Variants in KCMF1 observed in about 807,000 individuals in gnomAD.
KCMF1 encodes the protein E3 ubiquitin-protein ligase KCMF1.
Under a neutral mutation model 41.1 loss-of-function variants are expected in KCMF1, and 3 were observed. The observed-to-expected ratio is 0.07, with a 90% CI of 0.03 to 0.19. The LOEUF (loss-of-function observed/expected upper bound fraction) is 0.19, where lower values mean the gene tolerates loss of function less well. KCMF1 is among the 10% of genes least tolerant of loss of function. KCMF1 has a pLI of 1.00. For missense variants in KCMF1, 286 were observed against 488.9 expected (o/e 0.58, Z 3.91); for synonymous variants, 142 against 164.5 (o/e 0.86, Z 1.04).
Position 85,056,534 on chromosome 2 carries a change from C to T in KCMF1, c.*3125C>T, listed in dbSNP as rs1242925655. On this transcript the variant is annotated 3_prime_UTR_variant, in exon 7 of 7. Coordinates refer to ENST00000409785, the MANE Select transcript of KCMF1 (RefSeq NM_020122.5). ...TTTACTCCATGGATGTTGGGGTAAGCACATATATCAATAGTTCATAGCTCT... is the reference window on the plus strand; with the variant it reads ...TTTACTCCATGGATGTTGGGGTAAGTACATATATCAATAGTTCATAGCTCT... 1 of 152,106 alleles carries T rather than the reference C, an allele frequency of 6.6e-6. No individual in the cohort carries two copies. Among genetic ancestry groups the T allele is most frequent in the Non-Finnish European group, 1.5e-5 (1 of 68,024 alleles). 9.4% of individuals were successfully genotyped at this position (152,106 alleles called of 1,614,324 possible).
At chr2:84,993,900 ATTTTTTGTTTTGTTTTGTTT>A (rs1474002004) in intron 1 of KCMF1, among the ~76,000 whole-genome samples, 11 of 128,570 alleles carry the variant, frequency 8.6e-5, no homozygotes, top group South Asian at 2.7e-4. Context: ...GAGTTTGAAC[ATTTTTTGTTTTGTTTTGTTT>A]TGTTTTGTTT....
intron 1 of KCMF1, among the ~76,000 whole-genome samples, chr2:85,013,383 G>C (rs975275699): frequency 1.3e-5 from 2 of 152,100 alleles, no homozygotes; most frequent in South Asian, 4.1e-4. Flanking sequence ...GACATTTCTA[G>C]TTTAGATAAC....
chr2:85,042,813 A>G (rs1675571755), intron 3 of KCMF1, among the ~76,000 whole-genome samples: 1 of 152,038 alleles, frequency 6.6e-6, no homozygotes, highest in Non-Finnish European at 1.5e-5. Context: ...AATTCTGTTA[A>G]CTATAGAAAC....
intron 1 of KCMF1, among the ~76,000 whole-genome samples, chr2:85,008,442 CAT>C (rs1199017373): frequency 2.1e-5 from 2 of 96,518 alleles, no homozygotes; most frequent in Admixed American, 1.1e-4. Context: ...ATATATACAT[CAT>C]ATATCTGAGA....
chr2:85,034,659 C>A (rs1277891291), intron 2 of KCMF1, among the ~76,000 whole-genome samples: 2 of 152,176 alleles, frequency 1.3e-5, no homozygotes, highest in Admixed American at 1.3e-4. Flanking sequence ...ATTTTAGGCA[C>A]ACTTTCTTTT....
Position 85,046,193 on chromosome 2 carries a change from C to G in KCMF1, c.516C>G (p.His172Gln). The change falls in exon 5 of 7, where the codon CAC becomes CAG. Residue 172 changes from histidine to glutamine, a missense_variant. His to Gln is a conservative substitution (Grantham distance 24). Around this residue, in one of 2 missense-constraint regions of KCMF1, gnomAD observed 191 missense variants for 279.3 expected, o/e 0.68. Transcript: ENST00000409785. ...GGPRARRSNM[H>Q]FTSSSTGGLS... ...CTCGTGCTCGTAGATCAAACATGCA[C>G]TTTACTAGCAGTTCTACTGGTGGAC... 6.2e-7 allele frequency: 1 copy of G among 1,613,302 alleles called. No homozygotes were observed. Among genetic ancestry groups the G allele is most frequent in the Non-Finnish European group, 8.5e-7 (1 of 1,179,478 alleles).
chr2:85,008,640 G>A (rs893538020), intron 1 of KCMF1, among the ~76,000 whole-genome samples: 4 of 151,732 alleles, frequency 2.6e-5, no homozygotes, highest in African/African-American at 9.7e-5. Flanking sequence ...AGGAGGCAGA[G>A]CATTGCTTTG....
intron 1 of KCMF1, among the ~76,000 whole-genome samples, chr2:85,016,334 G>GGC (rs999171654): frequency 1.5e-4 from 23 of 151,858 alleles, no homozygotes; most frequent in African/African-American, 4.8e-4. Context: ...TTAAACACAG[G>GGC]GCATAGGTTT....
chr2:84,996,780 A>G (rs1344542285), intron 1 of KCMF1, among the ~76,000 whole-genome samples: 1 of 152,156 alleles, frequency 6.6e-6, no homozygotes, highest in Non-Finnish European at 1.5e-5. Flanking sequence ...TTAATGAGAT[A>G]ATTTAATAAG....
At chr2:84,996,068 A>T (rs1483191470) in intron 1 of KCMF1, among the ~76,000 whole-genome samples, 1 of 152,212 alleles carries the variant, frequency 6.6e-6, no homozygotes, top group Non-Finnish European at 1.5e-5. Context: ...GTTCCAAGCA[A>T]TTGTATTACT....
At position 85,049,777 on chromosome 2, in the gene KCMF1, C is replaced by G. The variant is rs944371005; in HGVS notation, c.884+129C>G. ...TTGTGTTTGATTAAAACTCACAGAT[C>G]TCTGATTAAAACGCATATTCAGTAT... On this transcript the variant is annotated intron_variant, in intron 6 of 6. Transcript: ENST00000409785. The G allele has an allele frequency of 6.8e-6, 5 of 732,784 alleles. No homozygotes were observed. The Admixed American group carries it at 8.6e-5, about 13-fold the overall frequency. The allele number at this position is 732,784 out of a possible 1,614,324, so 45.4% of individuals were successfully genotyped here. A position where few individuals can be genotyped will look rare whatever the true frequency, so the allele number is the denominator to read the frequency against.
At chr2:85,001,563 C>A (rs1156437813) in intron 1 of KCMF1, among the ~76,000 whole-genome samples, 1 of 152,172 alleles carries the variant, frequency 6.6e-6, no homozygotes, top group African/African-American at 2.4e-5. Context: ...TTCTTTATTG[C>A]ATTTTCTGTG....
intron 2 of KCMF1, among the ~76,000 whole-genome samples, chr2:85,030,779 C>T (rs139722094): frequency 1.1e-4 from 16 of 152,286 alleles, no homozygotes; most frequent in African/African-American, 3.6e-4. Context: ...TCACTGCAGC[C>T]TCCGCTTCCC....
chr2:84,993,758 T>C (rs1018854058), intron 1 of KCMF1, among the ~76,000 whole-genome samples: 1 of 151,432 alleles, frequency 6.6e-6, no homozygotes, highest in Non-Finnish European at 1.5e-5. Context: ...GTATTTTTAG[T>C]AGAGACAGGG....
chr2:85,041,270 T>A (rs938700521), intron 3 of KCMF1, among the ~76,000 whole-genome samples: 1 of 152,234 alleles, frequency 6.6e-6, no homozygotes, highest in Non-Finnish European at 1.5e-5. Context: ...TAAAAAAGAT[T>A]TTGAGTATAG....
chr2:85,031,892 A>G (rs1675282428), intron 2 of KCMF1, among the ~76,000 whole-genome samples: 1 of 152,042 alleles, frequency 6.6e-6, no homozygotes, highest in South Asian at 2.1e-4. Flanking sequence ...TGCACATGCC[A>G]CCACAGCTGA....
At chr2:84,971,531 CGCGGCGGAGGGCGGCCGGGA>C in intron 1 of KCMF1, 64 bp downstream of exon 1, 1 of 991,608 alleles carries the variant, frequency 1.0e-6, no homozygotes. Flanking sequence ...CCGGGCCGGG[CGCGGCGGAGGGCGGCCGGGA>C]AGCGGCGGAG....
At chr2:85,013,757 C>G (rs1183146414) in intron 1 of KCMF1, among the ~76,000 whole-genome samples, 1 of 150,888 alleles carries the variant, frequency 6.6e-6, no homozygotes, top group Non-Finnish European at 1.5e-5. Context: ...GAGATCACAC[C>G]ACTGTGCTCC....
chr2:84,976,224 A>T (rs77357944), intron 1 of KCMF1, among the ~76,000 whole-genome samples: 4 of 133,462 alleles, frequency 3.0e-5, no homozygotes, highest in African/African-American at 2.9e-5. Flanking sequence ...TTTTTTTTTT[A>T]AAGACAGAGT....
Sources: gnomAD v4.1 joint callset for allele counts (sites outside exome capture counted in the v4.1 genomes callset) on GRCh38, gnomAD v4.1.1 for gene constraint, gnomAD v4.1.1 regional missense constraint, MANE v1.5 for transcripts, NCBI Gene and HGNC (gene_info 2026-07-23, HGNC 2026-07-21) for gene names.